ARHGEF3: variants seen among roughly 807,000 people sequenced by gnomAD.
ARHGEF3 encodes Rho guanine nucleotide exchange factor 3.
In ARHGEF3, 28 loss-of-function variants were observed where a neutral mutation model predicts 63.2. That is an observed-to-expected ratio of 0.44 (90% CI 0.33 to 0.61). ARHGEF3 has a LOEUF of 0.61. Ranked by LOEUF, ARHGEF3 falls within the 20% of genes least tolerant of loss-of-function variation. ARHGEF3 has a pLI of 0.03. For synonymous variants in ARHGEF3, 266 were observed against 254.2 expected, an observed-to-expected ratio of 1.05 and a Z score of -0.44; for missense variants, 533 against 659.3, an observed-to-expected ratio of 0.81 and a Z score of 2.10.
intron 4 of ARHGEF3, among the ~76,000 whole-genome samples, chr3:56,868,962 A>G (rs1341528304): frequency 6.6e-6 from 1 of 152,188 alleles, no homozygotes; most frequent in Non-Finnish European, 1.5e-5. Flanking sequence ...CGCTGAGTGA[A>G]TGCACTAAAG....
At chr3:56,958,000 T>A (rs1311936181) in intron 3 of ARHGEF3, among the ~76,000 whole-genome samples, 1 of 152,122 alleles carries the variant, frequency 6.6e-6, no homozygotes, top group African/African-American at 2.4e-5. Context: ...TTCCTATACC[T>A]CTATATCTCC....
intron 3 of ARHGEF3, among the ~76,000 whole-genome samples, chr3:56,929,188 T>G (rs1207338128): frequency 2.6e-5 from 4 of 152,116 alleles, no homozygotes; most frequent in African/African-American, 4.8e-5. Flanking sequence ...TACCAGAGTT[T>G]TTAACCCTGA....
intron 3 of ARHGEF3, among the ~76,000 whole-genome samples, chr3:56,893,761 G>A (rs1163166150): frequency 4.6e-5 from 6 of 131,490 alleles, no homozygotes; most frequent in African/African-American, 1.4e-4. Flanking sequence ...AGCCGAGATC[G>A]CACCACTGCA....
chr3:57,021,730 C>T (rs970739680), intron 2 of ARHGEF3, among the ~76,000 whole-genome samples: 4 of 144,272 alleles, frequency 2.8e-5, no homozygotes, highest in Admixed American at 7.1e-5. Flanking sequence ...TCCAGCCTGG[C>T]GACAGAGGAA....
intron 1 of ARHGEF3, among the ~76,000 whole-genome samples, chr3:57,061,810 G>A (rs1705237081): frequency 6.6e-6 from 1 of 152,180 alleles, no homozygotes; most frequent in South Asian, 2.1e-4. Flanking sequence ...TAGTCCTGAG[G>A]TGTGGTATAA....
At chr3:56,748,529 C>T (rs1057318631) in intron 6 of ARHGEF3, among the ~76,000 whole-genome samples, 1 of 146,702 alleles carries the variant, frequency 6.8e-6, no homozygotes, top group Admixed American at 7.1e-5. Flanking sequence ...TTTTATCCCC[C>T]TAATATTGTG....
At chr3:56,749,367 G>C (rs2034590435) in intron 6 of ARHGEF3, among the ~76,000 whole-genome samples, 1 of 152,156 alleles carries the variant, frequency 6.6e-6, no homozygotes, top group Admixed American at 6.5e-5. Context: ...TACTAACAAG[G>C]CAAATTCCTA....
intron 2 of ARHGEF3, chr3:57,007,357 A>G: frequency 1.6e-6 from 2 of 1,289,798 alleles, no homozygotes; most frequent in Non-Finnish European, 2.0e-6. Context: ...GACAGCCATG[A>G]AACAGTCACC....
chr3:56,861,704 G>T (rs1560001055), intron 4 of ARHGEF3, among the ~76,000 whole-genome samples: 1 of 152,110 alleles, frequency 6.6e-6, no homozygotes, highest in Non-Finnish European at 1.5e-5. Flanking sequence ...CCCTCAGGAG[G>T]CTGTTCAGGG....
intron 3 of ARHGEF3, among the ~76,000 whole-genome samples, chr3:56,932,100 C>G (rs532823671): frequency 6.6e-6 from 1 of 152,146 alleles, no homozygotes; most frequent in African/African-American, 2.4e-5. Context: ...GGGATTTAGT[C>G]CAATTCATTG....
chr3:56,737,559 A>G (rs900513727), intron 7 of ARHGEF3, among the ~76,000 whole-genome samples: 1 of 152,102 alleles, frequency 6.6e-6, no homozygotes, highest in African/African-American at 2.4e-5. Context: ...ACACATACAC[A>G]CACATTTATT....
At chr3:56,787,760 T>G (rs1176693811) in intron 1 of ARHGEF3, among the ~76,000 whole-genome samples, 1 of 149,796 alleles carries the variant, frequency 6.7e-6, no homozygotes, top group Non-Finnish European at 1.5e-5. Flanking sequence ...CAGGAGGACT[T>G]TGTGCTAGGC....
chr3:57,040,550 C>T (rs183324731), intron 1 of ARHGEF3, among the ~76,000 whole-genome samples: 20 of 148,638 alleles, frequency 1.3e-4, no homozygotes, highest in Admixed American at 1.2e-3. Context: ...GTTAGGATAG[C>T]GGTTCTAGTG....
chr3:57,008,663 G>A (rs1249187098), intron 2 of ARHGEF3, among the ~76,000 whole-genome samples: 1 of 152,020 alleles, frequency 6.6e-6, no homozygotes, highest in Non-Finnish European at 1.5e-5. Flanking sequence ...GTAGAGACGG[G>A]GTTTCTCCAT....
intron 2 of ARHGEF3, among the ~76,000 whole-genome samples, chr3:56,983,803 G>A (rs1008713444): frequency 6.6e-6 from 1 of 152,174 alleles, no homozygotes; most frequent in Non-Finnish European, 1.5e-5. Flanking sequence ...AGGCGTGGTG[G>A]TGCACGCCTG....
chr3:56,928,463 C>G (rs943899928), intron 3 of ARHGEF3, among the ~76,000 whole-genome samples: 1 of 152,158 alleles, frequency 6.6e-6, no homozygotes, highest in African/African-American at 2.4e-5. Flanking sequence ...GTGCTCCTCT[C>G]CCCCTCATTA....
At chr3:57,074,017 C>T (rs1706082326) in intron 1 of ARHGEF3, 2 of 1,614,050 alleles carry the variant, frequency 1.2e-6, no homozygotes, top group African/African-American at 2.7e-5. Flanking sequence ...CCCTCTTCAC[C>T]TCCAGCTCTC....
chr3:56,810,097 G>A (rs183172037), intron 4 of ARHGEF3, among the ~76,000 whole-genome samples: 1 of 152,228 alleles, frequency 6.6e-6, no homozygotes, highest in African/African-American at 2.4e-5. Flanking sequence ...GTTTCGTATA[G>A]TAACCATTAT....
At chr3:56,999,267 T>C (rs1408162277) in intron 2 of ARHGEF3, among the ~76,000 whole-genome samples, 2 of 152,260 alleles carry the variant, frequency 1.3e-5, no homozygotes, top group Admixed American at 1.3e-4. Flanking sequence ...GCCAGACTGG[T>C]CTCGAACTAC....
Sources: allele counts gnomAD v4.1 joint callset (sites outside exome capture counted in the v4.1 genomes callset), GRCh38; gene constraint gnomAD v4.1.1; transcripts MANE v1.5; gene names NCBI Gene and HGNC (gene_info 2026-07-23, HGNC 2026-07-21).